Variants in SLIT1 observed in about 807,000 individuals in gnomAD.
SLIT1 encodes the protein slit guidance ligand 1.
SLIT1 carries 66 observed loss-of-function variants against 186.1 expected under a neutral mutation model. That is an observed-to-expected ratio of 0.35 (90% CI 0.29 to 0.44). SLIT1 has a LOEUF of 0.44. Ranked by LOEUF, SLIT1 falls within the 20% of genes least tolerant of loss-of-function variation. SLIT1 has a pLI of 1.00. For synonymous variants in SLIT1, 761 were observed against 833.8 expected (o/e 0.91, Z 1.50); for missense variants, 1,638 against 2,037.4 (o/e 0.80, Z 3.77).
intron 4 of SLIT1, among the ~76,000 whole-genome samples, chr10:97,119,913 G>GTGTGTATA (rs1241836707): frequency 1.8e-5 from 1 of 56,510 alleles, no homozygotes; most frequent in Admixed American, 2.7e-4. Context: ...TTCCAAAGGG[G>GTGTGTATA]TATATATATA....
At chr10:97,166,053 C>T (rs932665714) in intron 1 of SLIT1, among the ~76,000 whole-genome samples, 3 of 152,116 alleles carry the variant, frequency 2.0e-5, no homozygotes, top group African/African-American at 7.2e-5. Flanking sequence ...CACTCGCCTG[C>T]TCCTCTTCCT....
At chr10:97,115,410 A>C (rs1589399327) in intron 4 of SLIT1, among the ~76,000 whole-genome samples, 1 of 152,162 alleles carries the variant, frequency 6.6e-6, no homozygotes, top group East Asian at 1.9e-4. Flanking sequence ...TCCTCTCAGC[A>C]GCTCTGGAGA....
At chr10:97,118,782 A>G (rs1849532002) in intron 4 of SLIT1, among the ~76,000 whole-genome samples, 1 of 152,236 alleles carries the variant, frequency 6.6e-6, no homozygotes, top group South Asian at 2.1e-4. Context: ...CCTCACCAGA[A>G]AAAATGGGGA....
chr10:97,041,594 C>T (rs940450320), intron 20 of SLIT1, among the ~76,000 whole-genome samples: 2 of 152,000 alleles, frequency 1.3e-5, no homozygotes, highest in East Asian at 1.9e-4. Flanking sequence ...GCCTCAGCCT[C>T]CCAAGTAGCT....
At chr10:97,077,763 G>A (rs73320689) in intron 4 of SLIT1, among the ~76,000 whole-genome samples, 2,248 of 152,148 alleles carry the variant, frequency 0.015, 60 homozygotes, top group African/African-American at 0.051. Context: ...TAAGATTCAC[G>A]GAATTAAAGC....
intron 32 of SLIT1, among the ~76,000 whole-genome samples, chr10:97,005,673 G>A (rs376593486): frequency 3.9e-5 from 6 of 152,364 alleles, no homozygotes; most frequent in East Asian, 1.9e-4. Context: ...TAGGGTTTTG[G>A]TGAATTTTAT....
At chr10:97,088,282 C>T (rs1849189391) in intron 4 of SLIT1, among the ~76,000 whole-genome samples, 1 of 152,200 alleles carries the variant, frequency 6.6e-6, no homozygotes, top group African/African-American at 2.4e-5. Context: ...TCCTTTCCCA[C>T]CCAGTGCCCC....
intron 31 of SLIT1, among the ~76,000 whole-genome samples, chr10:97,008,349 A>G (rs1177957946): frequency 3.3e-5 from 5 of 152,238 alleles, no homozygotes; most frequent in Non-Finnish European, 5.9e-5. Flanking sequence ...GAAGATCTAA[A>G]TAAATGGAAA....
At chr10:97,055,809 G>A (rs1848831252) in intron 13 of SLIT1, among the ~76,000 whole-genome samples, 1 of 152,146 alleles carries the variant, frequency 6.6e-6, no homozygotes, top group Non-Finnish European at 1.5e-5. Flanking sequence ...ATTATGAATT[G>A]TAAGAGGCAC....
At chr10:97,046,907 G>T in intron 17 of SLIT1, 84 bp downstream of exon 17, 2 of 1,568,918 alleles carry the variant, frequency 1.3e-6, no homozygotes, top group Admixed American at 1.7e-5. Flanking sequence ...CCCCCGCCGT[G>T]GGAGCTGCCC....
intron 4 of SLIT1, among the ~76,000 whole-genome samples, chr10:97,089,673 G>C (rs2636795): frequency 0.52 from 79,528 of 151,782 alleles, 23,786 homozygotes; most frequent in East Asian, 0.82. Flanking sequence ...ACTCATGGCT[G>C]GGGGAGGGAG....
At position 97,164,878 on chromosome 10, in the gene SLIT1, G is replaced by A. The variant is rs1348951157; in HGVS notation, c.210C>T (p.Gly70=). The change falls in exon 2 of 37, where the codon GGC becomes GGT. Residue 70 remains glycine, a synonymous_variant. Transcript: ENST00000266058. The stretch of plus-strand genomic sequence containing the variant: ...TCTTATGGATCCGAGTGATGTTGTT[G>A]CCATTGAGTTCCCTGGAGGAAGAAG... ...PRNTERLELN[G]NNITRIHKND... The A allele has an allele frequency of 6.2e-7, 1 of 1,613,272 alleles. No individual in the cohort carries two copies. Among genetic ancestry groups the A allele is most frequent in the Non-Finnish European group, 8.5e-7 (1 of 1,179,312 alleles).
chr10:97,080,730 A>C lies in SLIT1; in HGVS notation c.414-14644T>G, dbSNP rs1173717858. On this transcript the variant is annotated intron_variant, in intron 4 of 36. Transcript: ENST00000266058. ...AATGCAAACCAGTCAACTCACACCAAATAGTTAAAAGAAATAAATCAATTT... is the reference window on the plus strand; with the variant it reads ...AATGCAAACCAGTCAACTCACACCACATAGTTAAAAGAAATAAATCAATTT... Among the ~76,000 whole-genome samples, 3 of 152,276 alleles carry C rather than the reference A, an allele frequency of 2.0e-5. No individual in the cohort carries two copies. In the East Asian group the frequency reaches 5.8e-4, roughly 29 times the overall value.
At chr10:97,012,789 A>G (rs1282204379) in intron 30 of SLIT1, among the ~76,000 whole-genome samples, 1 of 152,152 alleles carries the variant, frequency 6.6e-6, no homozygotes, top group African/African-American at 2.4e-5. Context: ...CTCCAGCTAG[A>G]CAGGGGGCTC....
chr10:97,158,788 GA>G (rs1338976024), intron 3 of SLIT1, among the ~76,000 whole-genome samples: 11 of 151,844 alleles, frequency 7.2e-5, no homozygotes, highest in Non-Finnish European at 1.2e-4. Flanking sequence ...GCTGAGGTGG[GA>G]GAATCACTTG....
chr10:97,049,121 G>A lies in SLIT1; in HGVS notation c.1302-3C>T. ...TGAAAGGGTTCTGCGCCAGGTGCCT[G>A]TCCAAAGCAGGCAGATCAGCTATGA... On this transcript the variant is annotated splice_region_variant and splice_polypyrimidine_tract_variant and intron_variant, in intron 13 of 36. Coordinates refer to ENST00000266058, the MANE Select transcript of SLIT1 (RefSeq NM_003061.3). The A allele has an allele frequency of 6.2e-7, 1 of 1,611,846 alleles. No homozygotes were observed. The highest frequency in any genetic ancestry group is 2.2e-5 in the East Asian group (1 of 44,878).
chr10:97,052,468 G>A (rs1042902661), intron 13 of SLIT1, among the ~76,000 whole-genome samples: 3 of 152,184 alleles, frequency 2.0e-5, no homozygotes, highest in African/African-American at 7.2e-5. Flanking sequence ...GATCAGTGAT[G>A]GCCAGCAGCT....
At chr10:97,054,325 G>T (rs1165663388) in intron 13 of SLIT1, among the ~76,000 whole-genome samples, 1 of 151,492 alleles carries the variant, frequency 6.6e-6, no homozygotes, top group Non-Finnish European at 1.5e-5. Context: ...CTTCTGCCAT[G>T]ATTGTAAGCT....
intron 3 of SLIT1, among the ~76,000 whole-genome samples, chr10:97,161,447 C>A (rs1034202448): frequency 2.6e-5 from 4 of 152,214 alleles, no homozygotes; most frequent in Non-Finnish European, 5.9e-5. Flanking sequence ...CAATCGGATT[C>A]TTTTCCTTTT....
Sources: allele counts gnomAD v4.1 joint callset (sites outside exome capture counted in the v4.1 genomes callset), GRCh38; gene constraint gnomAD v4.1.1; transcripts MANE v1.5; gene names NCBI Gene and HGNC (gene_info 2026-07-23, HGNC 2026-07-21).